The following MTHFD1L variants were observed in gnomAD, a reference collection of about 807,000 sequenced individuals.
MTHFD1L encodes the protein monofunctional C1-tetrahydrofolate synthase, mitochondrial.
MTHFD1L carries 81 observed loss-of-function variants against 119.5 expected under a neutral mutation model. The observed-to-expected ratio is 0.68, with a 90% confidence interval of 0.57 to 0.82. MTHFD1L has a LOEUF of 0.82. Ranked by LOEUF, MTHFD1L falls within the 40% of genes least tolerant of loss-of-function variation. The probability of loss-of-function intolerance (pLI) is 0.00; values close to 1 mark genes in which losing one functional copy is unlikely to be tolerated. For synonymous variants in MTHFD1L, 430 were observed against 475.2 expected (o/e 0.90, Z 1.24); for missense variants, 1,125 against 1,253.4 (o/e 0.90, Z 1.55).
chr6:151,076,667 AGACT>A (rs936029088), intron 26 of MTHFD1L, among the ~76,000 whole-genome samples: 3 of 151,034 alleles, frequency 2.0e-5, no homozygotes, highest in Non-Finnish European at 4.4e-5. Flanking sequence ...AAAAAAAAAA[AGACT>A]GACCATACCA....
chr6:150,894,506 A>G (rs1225424299), intron 7 of MTHFD1L, among the ~76,000 whole-genome samples: 1 of 152,168 alleles, frequency 6.6e-6, no homozygotes, highest in Non-Finnish European at 1.5e-5. Flanking sequence ...AGTCAGGCTC[A>G]TCTTCCAGTC....
chr6:150,930,873 AT>A (rs1182989535), intron 11 of MTHFD1L, among the ~76,000 whole-genome samples: 1 of 152,210 alleles, frequency 6.6e-6, no homozygotes. Context: ...AAACTTTAGG[AT>A]TTCTTATTCA....
chr6:150,869,111 A>G (rs1172632229), intron 1 of MTHFD1L, among the ~76,000 whole-genome samples: 1 of 152,150 alleles, frequency 6.6e-6, no homozygotes. Context: ...TTTTTTAGAC[A>G]ATGCTTTTGC....
chr6:151,094,642 C>T (rs1446663922), intron 27 of MTHFD1L, among the ~76,000 whole-genome samples: 2 of 152,232 alleles, frequency 1.3e-5, no homozygotes, highest in East Asian at 1.9e-4. Flanking sequence ...CTCCTGGGTT[C>T]AAGCAATTCT....
At chr6:151,008,605 A>G (rs1014230108) in intron 20 of MTHFD1L, among the ~76,000 whole-genome samples, 1 of 152,136 alleles carries the variant, frequency 6.6e-6, no homozygotes, top group African/African-American at 2.4e-5. Context: ...AGAAGATACT[A>G]CTGACCCAGT....
chr6:150,993,126 A>C (rs922887055), intron 20 of MTHFD1L, among the ~76,000 whole-genome samples: 7 of 151,988 alleles, frequency 4.6e-5, no homozygotes, highest in African/African-American at 1.7e-4. Flanking sequence ...TGTTTTATGA[A>C]ATTGCATAGA....
chr6:150,939,683 C>A (rs373081226), intron 13 of MTHFD1L, among the ~76,000 whole-genome samples: 4 of 108,424 alleles, frequency 3.7e-5, no homozygotes, highest in African/African-American at 1.7e-4. Flanking sequence ...CTTGCAGACT[C>A]TTTTTTTTTT....
At chr6:150,874,272 C>A (rs994742429) in intron 1 of MTHFD1L, among the ~76,000 whole-genome samples, 1 of 152,156 alleles carries the variant, frequency 6.6e-6, no homozygotes, top group Non-Finnish European at 1.5e-5. Flanking sequence ...TGTTTCCAAA[C>A]AAAACTAACT....
intron 26 of MTHFD1L, among the ~76,000 whole-genome samples, chr6:151,058,660 T>C (rs190412602): frequency 4.9e-4 from 75 of 152,306 alleles, no homozygotes; most frequent in African/African-American, 1.8e-3. Flanking sequence ...CCACCCTCCT[T>C]TTCAAGGACT....
chr6:150,876,851 G>A (rs146466306), intron 2 of MTHFD1L, among the ~76,000 whole-genome samples: 8 of 152,306 alleles, frequency 5.3e-5, no homozygotes, highest in Non-Finnish European at 1.0e-4. Flanking sequence ...TGGTTCCACC[G>A]TGCTGCGTAT....
At chr6:151,082,308 G>A (rs989997867) in intron 26 of MTHFD1L, among the ~76,000 whole-genome samples, 1 of 152,130 alleles carries the variant, frequency 6.6e-6, no homozygotes. Context: ...GGACTGAAGG[G>A]CCATTTAGAA....
chr6:151,009,122 CAAAAAA>C (rs59189384), intron 20 of MTHFD1L, among the ~76,000 whole-genome samples: 5 of 96,866 alleles, frequency 5.2e-5, no homozygotes, highest in Non-Finnish European at 6.4e-5. Flanking sequence ...AACTCCATCT[CAAAAAA>C]AAAAAAAAAA....
intron 24 of MTHFD1L, among the ~76,000 whole-genome samples, chr6:151,018,918 C>A (rs1052651663): frequency 1.3e-5 from 2 of 152,088 alleles, no homozygotes; most frequent in African/African-American, 4.8e-5. Flanking sequence ...ACTACAGAGG[C>A]GGTAGAGATC....
Position 150,945,754 on chromosome 6 carries a change from T to G in MTHFD1L, c.1623+213T>G, listed in dbSNP as rs556830298. Among the ~76,000 whole-genome samples, 17 of 152,194 alleles carry G rather than the reference T, an allele frequency of 1.1e-4. No homozygotes were observed. In the South Asian group the frequency reaches 3.5e-3, roughly 32 times the overall value. ...TACACGAAAGAGCCAGGTGGACAAATTAATTAACCTTTTTTGGTCTCAGTT... is the reference window on the plus strand; with the variant it reads ...TACACGAAAGAGCCAGGTGGACAAAGTAATTAACCTTTTTTGGTCTCAGTT... On this transcript the variant is annotated intron_variant, in intron 15 of 27. Transcript: ENST00000367321.
chr6:151,006,696 G>C (rs1338633852), intron 20 of MTHFD1L, among the ~76,000 whole-genome samples: 1 of 152,004 alleles, frequency 6.6e-6, no homozygotes, highest in Non-Finnish European at 1.5e-5. Flanking sequence ...CTTTTTATTT[G>C]GTTTGGAGAT....
chr6:150,945,734 G>A (rs13193176), intron 15 of MTHFD1L, among the ~76,000 whole-genome samples, 193 bp downstream of exon 15: 7,307 of 152,082 alleles, frequency 0.048, 401 homozygotes, highest in East Asian at 0.27. Context: ...GGTTCTACAC[G>A]AAAGAGCCAG....
At chr6:151,076,514 G>T (rs1792535191) in intron 26 of MTHFD1L, among the ~76,000 whole-genome samples, 1 of 152,162 alleles carries the variant, frequency 6.6e-6, no homozygotes, top group African/African-American at 2.4e-5. Context: ...AATTGGGCAT[G>T]GTGGCACACG....
chr6:150,922,644 A>G, intron 10 of MTHFD1L, among the ~76,000 whole-genome samples: 1 of 69,124 alleles, frequency 1.4e-5, no homozygotes, highest in Non-Finnish European at 2.4e-5. Flanking sequence ...TTCCCCCCCC[A>G]CCCTTTTTTT....
At chr6:150,880,755 G>A (rs1020861971) in intron 4 of MTHFD1L, among the ~76,000 whole-genome samples, 3 of 151,996 alleles carry the variant, frequency 2.0e-5, no homozygotes, top group African/African-American at 2.4e-5. Flanking sequence ...ACATATCCTC[G>A]CCAGCATTTG....
Sources: gnomAD v4.1 joint callset for allele counts (sites outside exome capture counted in the v4.1 genomes callset) on GRCh38, gnomAD v4.1.1 for gene constraint, MANE v1.5 for transcripts, NCBI Gene and HGNC (gene_info 2026-07-23, HGNC 2026-07-21) for gene names.